TLE3: variants seen among roughly 807,000 people sequenced by gnomAD.
TLE3 encodes the protein transducin-like enhancer protein 3.
TLE3 carries 14 observed loss-of-function variants against 93.0 expected under a neutral mutation model. The observed-to-expected ratio is 0.15, with a 90% CI of 0.10 to 0.24. The LOEUF (loss-of-function observed/expected upper bound fraction) is 0.24, where lower values mean the gene tolerates loss of function less well. Among genes scored for constraint, TLE3 ranks in the 10% least tolerant of loss-of-function variants. The pLI, the probability that TLE3 is intolerant of heterozygous loss-of-function variation, is 1.00. For missense variants in TLE3, 693 were observed against 1,046.6 expected (o/e 0.66, Z 4.66); for synonymous variants, 451 against 425.0 (o/e 1.06, Z -0.75).
rs187356764 is a variant in TLE3, at chr15:70,049,880, G to A, written c.*217C>T. The A allele has an allele frequency of 2.7e-5, 14 of 514,668 alleles. No homozygotes were observed. The highest frequency in any genetic ancestry group is 2.5e-4 in the Admixed American group (8 of 31,398). 31.9% of individuals were successfully genotyped at this position (514,668 alleles called of 1,614,324 possible). A position where few individuals can be genotyped will look rare whatever the true frequency, so the allele number is the denominator to read the frequency against. On this transcript the variant is annotated 3_prime_UTR_variant, in exon 20 of 20. Coordinates refer to ENST00000451782, the MANE Select transcript of TLE3 (RefSeq NM_001105192.3). ...GCATTGTTCAGGGGGAGGAGGAGGA[G>A]CAGAACCCTTCCGAGTCTGTGAGAC...
At chr15:70,079,068 G>A (rs1442392266) in intron 4 of TLE3, among the ~76,000 whole-genome samples, 3 of 152,146 alleles carry the variant, frequency 2.0e-5, no homozygotes, top group Middle Eastern at 3.4e-3. Context: ...GAGGACAACG[G>A]ATCTCCCAGG....
intron 4 of TLE3, among the ~76,000 whole-genome samples, chr15:70,082,682 T>A (rs2057840034): frequency 6.6e-6 from 1 of 152,216 alleles, no homozygotes; most frequent in East Asian, 1.9e-4. Flanking sequence ...CCAGCCCCCC[T>A]CAGCGTGACC....
chr15:70,066,233 G>A lies in TLE3; in HGVS notation c.373-15C>T. The A allele has an allele frequency of 6.6e-7, 1 of 1,516,322 alleles. No homozygotes were observed. Among genetic ancestry groups the A allele is most frequent in the Non-Finnish European group, 8.8e-7 (1 of 1,133,058 alleles). 93.9% of individuals were successfully genotyped at this position (1,516,322 alleles called of 1,614,324 possible). A position where few individuals can be genotyped will look rare whatever the true frequency, so the allele number is the denominator to read the frequency against. ...AGCTGCTGCTGCTGCAATGAAGTCG[G>A]TGGTGAGTACAGCTGAGTTGGGGAG... On this transcript the variant is annotated splice_polypyrimidine_tract_variant and intron_variant, in intron 6 of 19. Transcript: ENST00000451782.
intron 4 of TLE3, among the ~76,000 whole-genome samples, chr15:70,078,325 G>C (rs976615359): frequency 2.6e-5 from 4 of 152,164 alleles, no homozygotes; most frequent in African/African-American, 9.7e-5. Flanking sequence ...AACCGGCAGA[G>C]TAACAAGTTC....
At chr15:70,074,222 G>A (rs913802614) in intron 6 of TLE3, among the ~76,000 whole-genome samples, 20 of 152,238 alleles carry the variant, frequency 1.3e-4, no homozygotes, top group Non-Finnish European at 2.4e-4. Flanking sequence ...GGCCTTGAAG[G>A]TGACCCTAGG....
chr15:70,060,405 G>A (rs923257420), intron 9 of TLE3, 125 bp downstream of exon 9: 13 of 1,306,990 alleles, frequency 9.9e-6, no homozygotes, highest in Admixed American at 2.2e-5. Flanking sequence ...GTCCCCTATC[G>A]CCAACCTGTG....
chr15:70,074,590 C>T lies in TLE3; in HGVS notation c.315G>A (p.Ala105=), dbSNP rs557301183. The T allele has an allele frequency of 1.1e-5, 17 of 1,611,120 alleles. No homozygotes were observed. Among genetic ancestry groups the T allele is most frequent in the Admixed American group, 3.4e-5 (2 of 59,648 alleles). ...CCTGCTTGGCGCGCTCCACTGCCTGCGCCACCTGCTGCTGGTGCTGGAGGG... is the reference window on the plus strand; with the variant it reads ...CCTGCTTGGCGCGCTCCACTGCCTGTGCCACCTGCTGCTGGTGCTGGAGGG... ...FLSQEHQQQV[A]QAVERAKQVT... is the part of the protein sequence containing the mutation. Residue 105 remains alanine, a synonymous_variant, in exon 6 of 20, where the codon GCG becomes GCA. Transcript: ENST00000451782.
At chr15:70,091,520 T>C (rs950788063) in intron 4 of TLE3, among the ~76,000 whole-genome samples, 1 of 152,182 alleles carries the variant, frequency 6.6e-6, no homozygotes, top group Non-Finnish European at 1.5e-5. Flanking sequence ...AGCAGGGGGC[T>C]TGGTGGAGGT....
In TLE3 at chr15:70,048,081, G is replaced by C. The variant is rs2055221272; in HGVS notation, c.*2016C>G. Reference sequence around the variant, plus strand: ...GAGATGAGAAGAGCTCACATCGATGGGAAATGGCCCTGGCCCAGGCTCCAG... The same window carrying C: ...GAGATGAGAAGAGCTCACATCGATGCGAAATGGCCCTGGCCCAGGCTCCAG... On this transcript the variant is annotated 3_prime_UTR_variant, in exon 20 of 20. Transcript: ENST00000451782. 1 of 149,380 alleles carries C rather than the reference G, an allele frequency of 6.7e-6. No homozygotes were observed. The highest frequency in any genetic ancestry group is 2.5e-5 in the African/African-American group (1 of 40,480). The allele number at this position is 149,380 out of a possible 1,614,324, so 9.3% of individuals were successfully genotyped here. A position where few individuals can be genotyped will look rare whatever the true frequency, so the allele number is the denominator to read the frequency against.
At chr15:70,094,619 C>T in intron 3 of TLE3, 43 bp from the exon 4 acceptor site, 1 of 1,414,598 alleles carries the variant, frequency 7.1e-7, no homozygotes, top group Non-Finnish European at 9.5e-7. Flanking sequence ...ACACAGAAAT[C>T]TGGTCATTTT....
chr15:70,063,727 G>C (rs545479155), intron 8 of TLE3, among the ~76,000 whole-genome samples: 19 of 152,342 alleles, frequency 1.2e-4, no homozygotes. Context: ...TATTCAGAAG[G>C]CTTATTCACT....
chr15:70,061,480 G>C (rs1348750722), intron 8 of TLE3, among the ~76,000 whole-genome samples: 1 of 152,112 alleles, frequency 6.6e-6, no homozygotes, highest in Non-Finnish European at 1.5e-5. Context: ...GAAGCCTTTG[G>C]GATGGGAGGC....
chr15:70,065,978 T>G, intron 7 of TLE3, 36 bp downstream of exon 7: 891 of 685,886 alleles, frequency 1.3e-3, no homozygotes, highest in Non-Finnish European at 2.0e-3. Flanking sequence ...TGCCCACCCC[T>G]GCCCCGCCCC....
Position 70,074,706 on chromosome 15 carries a change from GCAGA to G in TLE3, c.298-103_298-100del, listed in dbSNP as rs1032201687. Reference sequence around the variant, plus strand: ...GCAGGGCCTCTCGGAGAGGCCCAGAGCAGACAGAGGAGTCCCACTGAACAGGCAC... The same window carrying G: ...GCAGGGCCTCTCGGAGAGGCCCAGAGCAGAGGAGTCCCACTGAACAGGCAC... On this transcript the variant is annotated intron_variant, in intron 5 of 19. Transcript: ENST00000451782. The G allele has an allele frequency of 6.1e-5, 58 of 943,696 alleles. No homozygotes were observed. In the Middle Eastern group the frequency reaches 9.4e-4, roughly 15 times the overall value. 58.5% of individuals were successfully genotyped at this position (943,696 alleles called of 1,614,324 possible).
At chr15:70,078,470 C>G (rs1351637935) in intron 4 of TLE3, among the ~76,000 whole-genome samples, 3 of 152,254 alleles carry the variant, frequency 2.0e-5, no homozygotes, top group Non-Finnish European at 4.4e-5. Context: ...TCTTAAACAA[C>G]AATAGAGCAG....
intron 7 of TLE3, among the ~76,000 whole-genome samples, 168 bp downstream of exon 7, chr15:70,065,846 T>C (rs1332858250): frequency 6.6e-6 from 1 of 152,200 alleles, no homozygotes; most frequent in Non-Finnish European, 1.5e-5. Context: ...GTGCATGGGA[T>C]GCGGATGGCA....
intron 8 of TLE3, among the ~76,000 whole-genome samples, chr15:70,063,056 A>C (rs1275709402): frequency 6.6e-6 from 1 of 152,170 alleles, no homozygotes. Flanking sequence ...TCCCCCTCCA[A>C]TTCCACTGAA....
At chr15:70,083,635 C>A (rs932266415) in intron 4 of TLE3, among the ~76,000 whole-genome samples, 13 of 149,028 alleles carry the variant, frequency 8.7e-5, no homozygotes, top group African/African-American at 3.2e-4. Context: ...TCAATTCATC[C>A]CTGTGGGGTT....
intron 14 of TLE3, 200 bp from the exon 15 acceptor site, chr15:70,055,498 AT>A: frequency 5.1e-6 from 3 of 582,750 alleles, no homozygotes; most frequent in Non-Finnish European, 8.1e-6. Flanking sequence ...ACCAGCTTTG[AT>A]TTTTACACCC....
Sources: gnomAD v4.1 joint callset for allele counts (sites outside exome capture counted in the v4.1 genomes callset) on GRCh38, gnomAD v4.1.1 for gene constraint, MANE v1.5 for transcripts, NCBI Gene and HGNC (gene_info 2026-07-23, HGNC 2026-07-21) for gene names.